The following LRRTM4 variants were observed in gnomAD, a reference collection of about 807,000 sequenced individuals.
The protein encoded by LRRTM4 is leucine-rich repeat transmembrane neuronal protein 4.
In LRRTM4, 25 loss-of-function variants were observed where a neutral mutation model predicts 47.6. That is an observed-to-expected ratio of 0.53 (90% CI 0.38 to 0.73). LRRTM4 has a LOEUF of 0.73. Ranked by LOEUF, LRRTM4 falls within the 30% of genes least tolerant of loss-of-function variation. The pLI is 0.00. For synonymous variants in LRRTM4, 311 were observed against 269.5 expected, an observed-to-expected ratio of 1.15 and a Z score of -1.51; for missense variants, 638 against 713.4, an observed-to-expected ratio of 0.89 and a Z score of 1.20.
intron 3 of LRRTM4, among the ~76,000 whole-genome samples, chr2:77,082,298 C>T (rs1043602103): frequency 6.6e-6 from 1 of 151,904 alleles, no homozygotes; most frequent in African/African-American, 2.4e-5. Flanking sequence ...TTTTTTTACT[C>T]TTATTTTATT....
chr2:77,282,759 A>G (rs1676541975), intron 3 of LRRTM4, among the ~76,000 whole-genome samples: 1 of 152,066 alleles, frequency 6.6e-6, no homozygotes, highest in Non-Finnish European at 1.5e-5. Flanking sequence ...CTCCCTAGTC[A>G]ATAAATGGTG....
intron 3 of LRRTM4, among the ~76,000 whole-genome samples, chr2:76,779,251 G>T (rs1329152951): frequency 1.3e-4 from 19 of 146,466 alleles, no homozygotes; most frequent in South Asian, 8.9e-4. Context: ...ATTTGGGGTG[G>T]AGAGTTCTGT....
chr2:76,764,890 G>T (rs760312348), intron 3 of LRRTM4, among the ~76,000 whole-genome samples: 1 of 152,154 alleles, frequency 6.6e-6, no homozygotes, highest in Non-Finnish European at 1.5e-5. Context: ...GGAAAAGACT[G>T]ATTGCTCCTT....
intron 3 of LRRTM4, among the ~76,000 whole-genome samples, chr2:77,133,547 C>A (rs757660581): frequency 6.6e-6 from 1 of 152,044 alleles, no homozygotes; most frequent in African/African-American, 2.4e-5. Context: ...GAATAAGATA[C>A]CATTTGGACT....
intron 3 of LRRTM4, among the ~76,000 whole-genome samples, chr2:77,184,230 T>A (rs1057135524): frequency 6.6e-6 from 1 of 152,076 alleles, no homozygotes; most frequent in African/African-American, 2.4e-5. Context: ...AGGAATTCTA[T>A]ACCAAAATAA....
chr2:77,025,399 G>T (rs1678419944), intron 3 of LRRTM4, among the ~76,000 whole-genome samples: 1 of 152,098 alleles, frequency 6.6e-6, no homozygotes, highest in South Asian at 2.1e-4. Context: ...GGAGGTCTTG[G>T]GTATGCTGAG....
At chr2:77,397,386 G>A (rs539933940) in intron 3 of LRRTM4, among the ~76,000 whole-genome samples, 1 of 151,936 alleles carries the variant, frequency 6.6e-6, no homozygotes, top group African/African-American at 2.4e-5. Flanking sequence ...ACTAATTACT[G>A]CTAATTAAAC....
chr2:77,013,503 T>C (rs1187065603), intron 3 of LRRTM4, among the ~76,000 whole-genome samples: 1 of 104,512 alleles, frequency 9.6e-6, no homozygotes, highest in African/African-American at 5.4e-5. Flanking sequence ...TCTGAAACAC[T>C]GTTAAAAAAA....
At position 76,944,453 on chromosome 2, in the gene LRRTM4, C is replaced by T. The variant is rs183108882; in HGVS notation, c.1552-195537G>A. Among the ~76,000 whole-genome samples the T allele has an allele frequency of 2.6e-5, 4 of 152,182 alleles. No homozygotes were observed. The East Asian group carries it at 5.8e-4, about 22-fold the overall frequency. ...TCCAGTAAAACATGTTGATCTTGTTCTCAGCTGTGTTTCCAGTGATTTCTC... is the reference window on the plus strand; with the variant it reads ...TCCAGTAAAACATGTTGATCTTGTTTTCAGCTGTGTTTCCAGTGATTTCTC... On this transcript the variant is annotated intron_variant, in intron 3 of 3. Transcript: ENST00000409884.
At chr2:76,801,106 G>A (rs754703547) in intron 3 of LRRTM4, among the ~76,000 whole-genome samples, 109 of 151,996 alleles carry the variant, frequency 7.2e-4, no homozygotes, top group Non-Finnish European at 1.1e-3. Context: ...TCGGTGTGGC[G>A]ATTCCTCAGG....
intron 3 of LRRTM4, among the ~76,000 whole-genome samples, chr2:77,137,920 G>C (rs879389271): frequency 5.9e-5 from 9 of 152,108 alleles, no homozygotes; most frequent in Non-Finnish European, 1.2e-4. Context: ...AACAGGAAGA[G>C]CTAACTATCC....
chr2:77,034,870 A>T (rs2104153511), intron 3 of LRRTM4, among the ~76,000 whole-genome samples: 1 of 151,902 alleles, frequency 6.6e-6, no homozygotes, highest in East Asian at 1.9e-4. Context: ...ATTATTCTAT[A>T]AAGAGAAGAT....
chr2:77,442,121 T>C (rs940734996), intron 3 of LRRTM4, among the ~76,000 whole-genome samples: 1 of 152,160 alleles, frequency 6.6e-6, no homozygotes, highest in Non-Finnish European at 1.5e-5. Flanking sequence ...CACAGAGGAC[T>C]CTGGGTTGAA....
At chr2:76,768,484 G>A (rs1405167274) in intron 3 of LRRTM4, among the ~76,000 whole-genome samples, 1 of 152,098 alleles carries the variant, frequency 6.6e-6, no homozygotes, top group Non-Finnish European at 1.5e-5. Flanking sequence ...TTTCTTCAAA[G>A]AGGTATAAAT....
intron 3 of LRRTM4, among the ~76,000 whole-genome samples, chr2:77,123,632 AAGG>A: frequency 6.6e-6 from 1 of 152,224 alleles, no homozygotes; most frequent in South Asian, 2.1e-4. Context: ...TTTTAATAAA[AAGG>A]AGGTTTTTTC....
intron 3 of LRRTM4, among the ~76,000 whole-genome samples, chr2:76,925,714 T>C (rs1360547080): frequency 1.3e-5 from 2 of 152,088 alleles, no homozygotes; most frequent in Non-Finnish European, 2.9e-5. Context: ...ACTAACACAA[T>C]TTTTTAGTGT....
chr2:76,804,632 C>CAT (rs1304379471), intron 3 of LRRTM4, among the ~76,000 whole-genome samples: 1 of 144,708 alleles, frequency 6.9e-6, no homozygotes, highest in East Asian at 2.0e-4. Context: ...GTATCTTGTA[C>CAT]ATATATATAC....
intron 3 of LRRTM4, among the ~76,000 whole-genome samples, chr2:77,315,796 A>G (rs1178891868): frequency 6.6e-6 from 1 of 152,158 alleles, no homozygotes; most frequent in Non-Finnish European, 1.5e-5. Context: ...CTAACTCTTC[A>G]AAATGTGATC....
chr2:76,755,103 T>C (rs1672982067), intron 3 of LRRTM4, among the ~76,000 whole-genome samples: 1 of 152,172 alleles, frequency 6.6e-6, no homozygotes, highest in Non-Finnish European at 1.5e-5. Context: ...GACTATATCA[T>C]GTGGTCCCTG....
Sources: allele counts gnomAD v4.1 joint callset (sites outside exome capture counted in the v4.1 genomes callset), GRCh38; gene constraint gnomAD v4.1.1; transcripts MANE v1.5; gene names NCBI Gene and HGNC (gene_info 2026-07-23, HGNC 2026-07-21).